SORBS2: variants seen among roughly 807,000 people sequenced by gnomAD.
The protein encoded by SORBS2 is sorbin and SH3 domain-containing protein 2.
A neutral mutation model predicts 97.7 loss-of-function variants in SORBS2; 46 were observed. That is an observed-to-expected ratio of 0.47 (90% CI 0.37 to 0.60). The LOEUF (loss-of-function observed/expected upper bound fraction) is 0.60. Ranked by LOEUF, SORBS2 falls within the 20% of genes least tolerant of loss-of-function variation. The probability of loss-of-function intolerance (pLI) is 0.00; values close to 1 mark genes in which losing one functional copy is unlikely to be tolerated. For synonymous variants in SORBS2, 476 were observed against 473.4 expected, an observed-to-expected ratio of 1.01 and a Z score of -0.07; for missense variants, 1,316 against 1,282.3, an observed-to-expected ratio of 1.03 and a Z score of -0.40.
Position 185,751,190 on chromosome 4 carries a change from A to AAAAAAAAAAAAAAAG in SORBS2, c.-198+24036_-198+24037insCTTTTTTTTTTTTTT. Among the ~76,000 whole-genome samples the AAAAAAAAAAAAAAAG allele has an allele frequency of 2.9e-4, 25 of 86,478 alleles. 4 individuals are homozygous for AAAAAAAAAAAAAAAG. Among genetic ancestry groups the AAAAAAAAAAAAAAAG allele is most frequent in the South Asian group, 1.4e-3 (3 of 2,132 alleles). The allele number at this position is 86,478 out of a possible 152,430, so 56.7% of individuals were successfully genotyped here. On this transcript the variant is annotated intron_variant, in intron 2 of 20. Transcript: ENST00000284776. Reference sequence around the variant, plus strand: ...TAAATACTAAAAAAAAAAAAAAAAAAAGAGAAAGAGAGAGAAATTCAGGAA... The same window carrying AAAAAAAAAAAAAAAG: ...TAAATACTAAAAAAAAAAAAAAAAAAAAAAAAAAAAAAAAGAGAGAAAGAGAGAGAAATTCAGGAA...
chr4:185,942,419 T>G (rs1484911121), intron 1 of SORBS2, among the ~76,000 whole-genome samples: 2 of 151,770 alleles, frequency 1.3e-5, no homozygotes, highest in Admixed American at 1.3e-4. Context: ...GGTGTGATCT[T>G]GGCTCACTGC....
At chr4:185,870,200 A>G (rs1012300037) in intron 1 of SORBS2, among the ~76,000 whole-genome samples, 4 of 152,226 alleles carry the variant, frequency 2.6e-5, no homozygotes, top group African/African-American at 9.6e-5. Context: ...GTCGTTATCT[A>G]GAGCTCACAG....
chr4:185,669,332 T>C (rs1275451988), intron 4 of SORBS2, among the ~76,000 whole-genome samples: 1 of 152,214 alleles, frequency 6.6e-6, no homozygotes, highest in Non-Finnish European at 1.5e-5. Flanking sequence ...GCGGGCGTCA[T>C]TGACCCATAT....
intron 2 of SORBS2, among the ~76,000 whole-genome samples, chr4:185,766,439 G>A (rs1402411342): frequency 1.3e-5 from 2 of 152,146 alleles, no homozygotes; most frequent in African/African-American, 4.8e-5. Context: ...TGGTAAAAAA[G>A]ATAAATGTGA....
chr4:185,652,870 A>G, intron 1 of SORBS2, 142 bp from the exon 10 acceptor site: 1 of 681,062 alleles, frequency 1.5e-6, no homozygotes, highest in South Asian at 1.8e-5. Context: ...CTATGGCTTC[A>G]TGACAGTTTC....
In SORBS2 at chr4:185,684,680, C is replaced by T. The variant is rs144770070; in HGVS notation, c.-197-5858G>A. On this transcript the variant is annotated intron_variant, in intron 2 of 20. Transcript: ENST00000284776. This position sits in a 1 kb window ranked among gnomAD's most constrained non-coding sequence, Gnocchi z 4.2. ...AGATCTCATTTTCCTTTGCTTTTTA[C>T]GTTTAGAACAAAAACAGTCAGAAGA... 3.8e-5 allele frequency: 41 copies of T among 1,085,204 alleles called. No homozygotes were observed. The East Asian group carries it at 7.1e-4, about 19-fold the overall frequency. 67.2% of individuals were successfully genotyped at this position (1,085,204 alleles called of 1,614,324 possible). A position where few individuals can be genotyped will look rare whatever the true frequency, so the allele number is the denominator to read the frequency against.
At chr4:185,939,743 C>A (rs1171812737) in intron 1 of SORBS2, among the ~76,000 whole-genome samples, 1 of 152,176 alleles carries the variant, frequency 6.6e-6, no homozygotes, top group Non-Finnish European at 1.5e-5. Context: ...CTCCCAACCT[C>A]ACGTGATCTG....
At chr4:185,600,084 T>G (rs1580633903) in intron 12 of SORBS2, among the ~76,000 whole-genome samples, 2 of 152,202 alleles carry the variant, frequency 1.3e-5, no homozygotes, top group South Asian at 4.1e-4. Context: ...GTTAGTTAGC[T>G]CTCATCTTCG....
At chr4:185,634,973 C>A (rs1253254145) in intron 4 of SORBS2, among the ~76,000 whole-genome samples, 1 of 152,156 alleles carries the variant, frequency 6.6e-6, no homozygotes, top group African/African-American at 2.4e-5. Flanking sequence ...TATCCACACT[C>A]CAAGCATTAT....
intron 1 of SORBS2, among the ~76,000 whole-genome samples, chr4:185,915,375 A>G (rs1272694198): frequency 6.6e-6 from 1 of 152,202 alleles, no homozygotes; most frequent in Non-Finnish European, 1.5e-5. Context: ...GGTCTTGGGA[A>G]CATTTTACCT....
At chr4:185,819,968 GGAT>G (rs2099195695) in intron 1 of SORBS2, among the ~76,000 whole-genome samples, 1 of 152,160 alleles carries the variant, frequency 6.6e-6, no homozygotes, top group Non-Finnish European at 1.5e-5. Flanking sequence ...TCATAAGAAA[GGAT>G]GATAATATTA....
chr4:185,687,152 C>G (rs565570030), intron 2 of SORBS2, among the ~76,000 whole-genome samples: 2 of 152,218 alleles, frequency 1.3e-5, no homozygotes, highest in African/African-American at 4.8e-5. Context: ...CTCAGCTTCC[C>G]TCATAGCTGG....
At chr4:185,601,109 A>G (rs376567024) in intron 12 of SORBS2, among the ~76,000 whole-genome samples, 3 of 152,180 alleles carry the variant, frequency 2.0e-5, no homozygotes, top group Non-Finnish European at 4.4e-5. Context: ...CTCATTTAGA[A>G]AAGTTTTCCT....
At chr4:185,704,473 C>G (rs1335301795) in intron 2 of SORBS2, among the ~76,000 whole-genome samples, 1 of 151,992 alleles carries the variant, frequency 6.6e-6, no homozygotes, top group African/African-American at 2.4e-5. Flanking sequence ...CATGCACCAT[C>G]ACACCTGGCT....
At chr4:185,780,643 G>A (rs998338691) in intron 1 of SORBS2, among the ~76,000 whole-genome samples, 10 of 152,138 alleles carry the variant, frequency 6.6e-5, no homozygotes, top group Admixed American at 2.0e-4. Flanking sequence ...GATTACATTC[G>A]GCAGTCTGCC....
chr4:185,817,744 T>C (rs2099194159), intron 1 of SORBS2, among the ~76,000 whole-genome samples: 2 of 152,222 alleles, frequency 1.3e-5, no homozygotes, highest in African/African-American at 4.8e-5. Context: ...CTGAAACAAA[T>C]TAGAAGGTGC....
chr4:185,672,182 G>T (rs1284446700), intron 4 of SORBS2, among the ~76,000 whole-genome samples: 2 of 152,154 alleles, frequency 1.3e-5, no homozygotes, highest in Non-Finnish European at 2.9e-5. Context: ...GCATTACTCT[G>T]TCCTCCTTAG....
exon 7 of SORBS2, chr4:185,624,322 T>C: frequency 1.2e-6 from 2 of 1,614,210 alleles, no homozygotes; most frequent in African/African-American, 2.7e-5. Flanking sequence ...TCCAGATTTC[T>C]GCGTTTTGCC....
rs372833761 is a variant in SORBS2 at position 185,626,824 on chromosome 4, A to G, written c.634+8T>C. 1.4e-5 allele frequency: 22 copies of G among 1,613,566 alleles called. No individual in the cohort carries two copies. The highest frequency in any genetic ancestry group is 2.7e-5 in the African/African-American group (2 of 74,930). ...GTAAATTGTTGTGTTTTCATTTACT[A>G]TGCTCACCTTTTGCTCTTGATGGGG... On this transcript the variant is annotated splice_region_variant and intron_variant, in intron 6 of 14. Transcript: ENST00000418609.
Sources: allele counts gnomAD v4.1 joint callset (sites outside exome capture counted in the v4.1 genomes callset), GRCh38; gene constraint gnomAD v4.1.1; non-coding constraint Gnocchi (gnomAD v3.1); transcripts MANE v1.5; gene names NCBI Gene and HGNC (gene_info 2026-07-23, HGNC 2026-07-21).